The following NXPH1 variants were observed in gnomAD, a reference collection of about 807,000 sequenced individuals.
NXPH1 encodes neurexophilin 1, also known as neurexophilin-1.
Under a neutral mutation model 23.7 loss-of-function variants are expected in NXPH1, and 5 were observed. That is an observed-to-expected ratio of 0.21 (90% CI 0.11 to 0.44). The LOEUF is 0.44. Ranked by LOEUF, NXPH1 falls within the 20% of genes least tolerant of loss-of-function variation. The pLI, the probability that NXPH1 is intolerant of heterozygous loss-of-function variation, is 0.99. For missense variants in NXPH1, 324 were observed against 321.6 expected, an observed-to-expected ratio of 1.01 and a Z score of -0.06; for synonymous variants, 144 against 122.2, an observed-to-expected ratio of 1.18 and a Z score of -1.18.
chr7:8,561,190 G>A (rs916269682), intron 2 of NXPH1, among the ~76,000 whole-genome samples: 3 of 151,584 alleles, frequency 2.0e-5, no homozygotes, highest in Non-Finnish European at 4.4e-5. Flanking sequence ...GTGCTTTGGT[G>A]TTTCGAAGCT....
chr7:8,454,257 C>T (rs12155304), intron 2 of NXPH1, among the ~76,000 whole-genome samples: 49,198 of 151,928 alleles, frequency 0.32, 9,660 homozygotes, highest in East Asian at 0.68. Context: ...AGGAATTTGT[C>T]GAATGGAATT....
At chr7:8,740,378 C>T (rs990571488) in intron 2 of NXPH1, among the ~76,000 whole-genome samples, 1 of 152,048 alleles carries the variant, frequency 6.6e-6, no homozygotes, top group African/African-American at 2.4e-5. Context: ...TGTATTTATC[C>T]CCATGACATG....
chr7:8,477,260 A>G (rs1032139007), intron 2 of NXPH1, among the ~76,000 whole-genome samples: 8 of 152,124 alleles, frequency 5.3e-5, no homozygotes, highest in East Asian at 1.9e-4. Flanking sequence ...AAAGACTGAT[A>G]TGCTTGTATA....
Position 8,686,641 on chromosome 7 carries a change from C to T in NXPH1, c.55-64367C>T, listed in dbSNP as rs552630889. Among the ~76,000 whole-genome samples, 3 of 152,232 alleles carry T rather than the reference C, an allele frequency of 2.0e-5. No homozygotes were observed. In the South Asian group the frequency reaches 6.2e-4, roughly 32 times the overall value. ...ATGAGAAAAAGGTGAAGAAAGTTAG[C>T]TCCACAAATGTGCTAAAGACAAAGA... On this transcript the variant is annotated intron_variant, in intron 2 of 2. Transcript: ENST00000405863.
intron 2 of NXPH1, among the ~76,000 whole-genome samples, chr7:8,676,443 A>G (rs1820954656): frequency 6.6e-6 from 1 of 150,776 alleles, no homozygotes. Flanking sequence ...CGTGATTTTT[A>G]TTTTATTTTA....
At chr7:8,661,066 G>C (rs1191931794) in intron 2 of NXPH1, among the ~76,000 whole-genome samples, 1 of 151,660 alleles carries the variant, frequency 6.6e-6, no homozygotes, top group Non-Finnish European at 1.5e-5. Context: ...GAAAAATATA[G>C]CAGAGTGATT....
rs565419045 is a variant in NXPH1, at chr7:8,690,112, T to C, written c.55-60896T>C. 4.6e-5 allele frequency among the ~76,000 whole-genome samples: 7 copies of C among 152,334 alleles called. 1 individual carries two copies. The East Asian group carries it at 1.3e-3, about 29-fold the overall frequency. ...AGATTGGATTATTTTAATAAAGCAATCTAGACTCATACCCCTGTGGCAGGC... is the reference window on the plus strand; with the variant it reads ...AGATTGGATTATTTTAATAAAGCAACCTAGACTCATACCCCTGTGGCAGGC... On this transcript the variant is annotated intron_variant, in intron 2 of 2. Transcript: ENST00000405863.
chr7:8,739,531 G>T (rs1313801528), intron 2 of NXPH1, among the ~76,000 whole-genome samples: 1 of 152,140 alleles, frequency 6.6e-6, no homozygotes, highest in Non-Finnish European at 1.5e-5. Context: ...TGGAAATGCA[G>T]AAGTCACCCG....
At chr7:8,518,496 G>A (rs997856074) in intron 2 of NXPH1, among the ~76,000 whole-genome samples, 31 of 152,042 alleles carry the variant, frequency 2.0e-4, no homozygotes, top group African/African-American at 6.5e-4. Context: ...GTAGCTTTCC[G>A]TCCCCTTGTT....
chr7:8,630,132 G>A (rs116395788), intron 2 of NXPH1, among the ~76,000 whole-genome samples: 1,930 of 152,130 alleles, frequency 0.013, 23 homozygotes, highest in Middle Eastern at 0.044. Context: ...GACGCATCAC[G>A]TTGACATAAT....
intron 2 of NXPH1, among the ~76,000 whole-genome samples, chr7:8,582,318 C>T (rs10243078): frequency 0.024 from 3,616 of 152,258 alleles, 147 homozygotes; most frequent in African/African-American, 0.082. Flanking sequence ...GCCCTGTTTG[C>T]GTTATAGCTC....
chr7:8,443,384 A>C (rs1166545693), intron 2 of NXPH1, among the ~76,000 whole-genome samples: 1 of 152,244 alleles, frequency 6.6e-6, no homozygotes, highest in African/African-American at 2.4e-5. Flanking sequence ...TGTAACGAAG[A>C]GCTAGAAGTG....
At chr7:8,744,785 C>T (rs1271322532) in intron 2 of NXPH1, among the ~76,000 whole-genome samples, 1 of 152,182 alleles carries the variant, frequency 6.6e-6, no homozygotes, top group Non-Finnish European at 1.5e-5. Flanking sequence ...TTTTATGTTT[C>T]TATTTAGCCA....
chr7:8,479,136 A>C (rs1292664593), intron 2 of NXPH1, among the ~76,000 whole-genome samples: 2 of 152,146 alleles, frequency 1.3e-5, no homozygotes, highest in Non-Finnish European at 2.9e-5. Flanking sequence ...TTGTAGAACT[A>C]AGATTAAATG....
At chr7:8,659,736 A>C (rs538835607) in intron 2 of NXPH1, among the ~76,000 whole-genome samples, 2 of 152,272 alleles carry the variant, frequency 1.3e-5, no homozygotes, top group African/African-American at 4.8e-5. Flanking sequence ...TATAATAACA[A>C]AAAATAATAA....
rs1484392424 is a variant in NXPH1 at position 8,607,138 on chromosome 7, A to T, written c.55-143870A>T. ...AAATTATAGTAAAATTAACAAAATT[A>T]ACTCGAAGTTTGAACTTGAACAGTG... is the stretch of plus-strand genomic sequence containing the variant. On this transcript the variant is annotated intron_variant, in intron 2 of 2. Coordinates refer to ENST00000405863, the MANE Select transcript of NXPH1 (RefSeq NM_152745.3). 4.6e-5 allele frequency among the ~76,000 whole-genome samples: 7 copies of T among 152,312 alleles called. No homozygotes were observed. In the East Asian group the frequency reaches 1.4e-3, roughly 29 times the overall value.
chr7:8,440,725 A>AT (rs1224039852), intron 2 of NXPH1, among the ~76,000 whole-genome samples: 17 of 139,208 alleles, frequency 1.2e-4, no homozygotes, highest in African/African-American at 4.4e-4. Flanking sequence ...CCAATAAGAA[A>AT]TTTTCTGCCC....
chr7:8,559,078 C>T (rs778459705), intron 2 of NXPH1, among the ~76,000 whole-genome samples: 2 of 151,550 alleles, frequency 1.3e-5, no homozygotes, highest in Non-Finnish European at 3.0e-5. Flanking sequence ...GTGACTTCCA[C>T]CTCAGCCTGC....
At chr7:8,582,471 T>C (rs2128623915) in intron 2 of NXPH1, among the ~76,000 whole-genome samples, 1 of 152,164 alleles carries the variant, frequency 6.6e-6, no homozygotes, top group South Asian at 2.1e-4. Context: ...ACTTGGAGCA[T>C]GTAGCTCCTT....
Sources: allele counts gnomAD v4.1 joint callset (sites outside exome capture counted in the v4.1 genomes callset), GRCh38; gene constraint gnomAD v4.1.1; transcripts MANE v1.5; gene names NCBI Gene and HGNC (gene_info 2026-07-23, HGNC 2026-07-21).